ZFPM2: variants seen among roughly 807,000 people sequenced by gnomAD.
ZFPM2 encodes the protein zinc finger protein, FOG family member 2.
ZFPM2 carries 20 observed loss-of-function variants against 98.6 expected under a neutral mutation model. The observed-to-expected ratio is 0.20, with a 90% CI of 0.14 to 0.29. The LOEUF (loss-of-function observed/expected upper bound fraction) is 0.29. Among genes scored for constraint, ZFPM2 ranks in the 10% least tolerant of loss-of-function variants. The pLI is 1.00. For synonymous variants in ZFPM2, 518 were observed against 502.7 expected, an observed-to-expected ratio of 1.03 and a Z score of -0.41; for missense variants, 1,310 against 1,388.6, an observed-to-expected ratio of 0.94 and a Z score of 0.90.
At chr8:105,349,795 T>G (rs776149224) in intron 1 of ZFPM2, among the ~76,000 whole-genome samples, 2 of 152,230 alleles carry the variant, frequency 1.3e-5, no homozygotes, top group Non-Finnish European at 2.9e-5. Flanking sequence ...TATTTTTATG[T>G]AATATACATG....
chr8:105,373,541 T>G (rs1810665083), intron 1 of ZFPM2, among the ~76,000 whole-genome samples: 1 of 152,160 alleles, frequency 6.6e-6, no homozygotes, highest in Non-Finnish European at 1.5e-5. Context: ...ACAGATTATG[T>G]AGGCAGAGTA....
Position 105,640,093 on chromosome 8 carries a change from G to A in ZFPM2, c.532+5736G>A, listed in dbSNP as rs558790947. On this transcript the variant is annotated intron_variant, in intron 5 of 7. Coordinates refer to ENST00000407775, the MANE Select transcript of ZFPM2 (RefSeq NM_012082.4). ...GCTTACAATACAAATTCATGATATC[G>A]AAACAGTGCTTTTCCCATTTTACAG... 4.0e-5 allele frequency among the ~76,000 whole-genome samples: 6 copies of A among 151,892 alleles called. No individual in the cohort carries two copies. The East Asian group carries it at 5.8e-4, about 15-fold the overall frequency.
Position 105,702,954 on chromosome 8 carries a change from A to G in ZFPM2, c.532+68597A>G, listed in dbSNP as rs185335982. On this transcript the variant is annotated intron_variant, in intron 5 of 7. Transcript: ENST00000407775. ...CGCATAGTGTAATCTAATATTATCT[A>G]AAATAATTATGCCAGTTCTGTAGCA... Among the ~76,000 whole-genome samples, 157 of 152,278 alleles carry G rather than the reference A, an allele frequency of 1.0e-3. 1 individual carries two copies. Among genetic ancestry groups the G allele is most frequent in the Admixed American group, 8.5e-3 (130 of 15,264 alleles).
At chr8:105,628,735 T>C (rs1005106960) in intron 4 of ZFPM2, among the ~76,000 whole-genome samples, 1 of 151,962 alleles carries the variant, frequency 6.6e-6, no homozygotes, top group Non-Finnish European at 1.5e-5. Flanking sequence ...TCAGCTCCCC[T>C]TCCCACTGAG....
chr8:105,629,472 A>T (rs181274953), intron 4 of ZFPM2, among the ~76,000 whole-genome samples: 19 of 152,346 alleles, frequency 1.2e-4, no homozygotes, highest in Admixed American at 1.2e-3. Context: ...AAATGTGGAT[A>T]TCTTTTGTGT....
chr8:105,360,298 C>A (rs1812831817), intron 1 of ZFPM2, among the ~76,000 whole-genome samples: 1 of 151,958 alleles, frequency 6.6e-6, no homozygotes, highest in African/African-American at 2.4e-5. Flanking sequence ...TTCTTGAGAT[C>A]TTTAACTTTT....
chr8:105,787,824 G>C (rs946218635), intron 5 of ZFPM2, among the ~76,000 whole-genome samples: 1 of 152,146 alleles, frequency 6.6e-6, no homozygotes, highest in Non-Finnish European at 1.5e-5. Context: ...TGAGAGTGTA[G>C]ATAACAAAAT....
intron 3 of ZFPM2, among the ~76,000 whole-genome samples, chr8:105,509,761 G>A (rs1458108315): frequency 1.3e-5 from 2 of 152,022 alleles, no homozygotes; most frequent in Admixed American, 6.6e-5. Flanking sequence ...GTCATTTAAG[G>A]AAGTGAAGTA....
Position 105,349,999 on chromosome 8 carries a change from C to T in ZFPM2, c.40+31018C>T, listed in dbSNP as rs1812611489. Among the ~76,000 whole-genome samples the T allele has an allele frequency of 1.3e-5, 2 of 152,102 alleles. 1 individual carries two copies. Among genetic ancestry groups the T allele is most frequent in the South Asian group, 4.1e-4 (2 of 4,832 alleles). ...TTTTGTAACTAACACTGAAATGACT[C>T]AATTAGTGCAATAGTTTTTTTACGT... is the stretch of plus-strand genomic sequence containing the variant. On this transcript the variant is annotated intron_variant, in intron 1 of 7. Transcript: ENST00000407775.
At chr8:105,516,617 C>T (rs997464966) in intron 3 of ZFPM2, among the ~76,000 whole-genome samples, 1 of 152,012 alleles carries the variant, frequency 6.6e-6, no homozygotes, top group Non-Finnish European at 1.5e-5. Context: ...TTAAGGTGGC[C>T]ATGTATTCGG....
At chr8:105,422,396 G>A (rs904041481) in intron 2 of ZFPM2, among the ~76,000 whole-genome samples, 5 of 152,112 alleles carry the variant, frequency 3.3e-5, no homozygotes, top group African/African-American at 9.7e-5. Context: ...AGCCGAGATT[G>A]AGCCACTGCA....
At chr8:105,428,362 A>G (rs1250661969) in intron 2 of ZFPM2, among the ~76,000 whole-genome samples, 1 of 152,228 alleles carries the variant, frequency 6.6e-6, no homozygotes, top group Non-Finnish European at 1.5e-5. Flanking sequence ...TTCTTTAAAG[A>G]CTGTCAGTAT....
chr8:105,597,431 A>G (rs1199356514), intron 4 of ZFPM2, among the ~76,000 whole-genome samples: 2 of 151,992 alleles, frequency 1.3e-5, no homozygotes, highest in East Asian at 1.9e-4. Flanking sequence ...AATGAGAAAA[A>G]GAGAGCAGAC....
chr8:105,727,314 G>T (rs2131007554), intron 5 of ZFPM2, among the ~76,000 whole-genome samples: 1 of 151,084 alleles, frequency 6.6e-6, no homozygotes, highest in East Asian at 2.0e-4. Flanking sequence ...CACTCCAACT[G>T]GAGCAATATA....
chr8:105,763,059 TC>T lies in ZFPM2; in HGVS notation c.533-25658del, dbSNP rs747854985. Among the ~76,000 whole-genome samples the T allele has an allele frequency of 9.9e-4, 148 of 148,884 alleles. 8 individuals are homozygous for T. Among genetic ancestry groups the T allele is most frequent in the African/African-American group, 2.0e-3 (81 of 40,694 alleles). ...ATCAATCATGATGACTTTATTTCTTTCTTTTTTTTTTTTTTTAGTTTCCCCT... is the reference window on the plus strand; with the variant it reads ...ATCAATCATGATGACTTTATTTCTTTTTTTTTTTTTTTTTTAGTTTCCCCT... On this transcript the variant is annotated intron_variant, in intron 5 of 7. Coordinates refer to ENST00000407775, the MANE Select transcript of ZFPM2 (RefSeq NM_012082.4).
chr8:105,621,743 ATC>A (rs918194759), intron 4 of ZFPM2, among the ~76,000 whole-genome samples: 2 of 152,190 alleles, frequency 1.3e-5, no homozygotes, highest in East Asian at 1.9e-4. Flanking sequence ...CTCATATTTC[ATC>A]TCTCTATCCT....
chr8:105,501,899 G>A (rs1440456604), intron 3 of ZFPM2, among the ~76,000 whole-genome samples: 2 of 126,436 alleles, frequency 1.6e-5, no homozygotes, highest in Non-Finnish European at 3.2e-5. Flanking sequence ...TGTTAAACAG[G>A]TAAAATAAAC....
intron 1 of ZFPM2, among the ~76,000 whole-genome samples, chr8:105,336,799 A>G (rs1812335675): frequency 6.6e-6 from 1 of 151,706 alleles, no homozygotes; most frequent in Non-Finnish European, 1.5e-5. Flanking sequence ...ATAGATGTAT[A>G]GATATAGATA....
chr8:105,596,056 A>T (rs1276653723), intron 4 of ZFPM2, among the ~76,000 whole-genome samples: 1 of 151,606 alleles, frequency 6.6e-6, no homozygotes, highest in East Asian at 1.9e-4. Context: ...ATGTTAATAA[A>T]GTTACCAAAA....
Sources: gnomAD v4.1 joint callset for allele counts (sites outside exome capture counted in the v4.1 genomes callset) on GRCh38, gnomAD v4.1.1 for gene constraint, MANE v1.5 for transcripts, NCBI Gene and HGNC (gene_info 2026-07-23, HGNC 2026-07-21) for gene names.